ADAMTSL1: variants seen among roughly 807,000 people sequenced by gnomAD.
ADAMTSL1 encodes ADAMTS-like protein 1.
Under a neutral mutation model 201.8 loss-of-function variants are expected in ADAMTSL1, and 126 were observed. That is an observed-to-expected ratio of 0.62 (90% CI 0.54 to 0.72). The LOEUF (loss-of-function observed/expected upper bound fraction) is 0.72. ADAMTSL1 is among the 30% of genes least tolerant of loss of function. The probability of loss-of-function intolerance (pLI) is 0.00; values close to 1 mark genes in which losing one functional copy is unlikely to be tolerated. For synonymous variants in ADAMTSL1, 1,121 were observed against 903.4 expected, an observed-to-expected ratio of 1.24 and a Z score of -4.32; for missense variants, 2,679 against 2,277.8, an observed-to-expected ratio of 1.18 and a Z score of -3.59.
At chr9:18,225,062 A>G (rs1489625022) in intron 2 of ADAMTSL1, among the ~76,000 whole-genome samples, 1 of 152,160 alleles carries the variant, frequency 6.6e-6, no homozygotes, top group Non-Finnish European at 1.5e-5. Context: ...TTACTCTGGG[A>G]TAAAATAACC....
At chr9:18,605,511 G>C (rs1170293997) in intron 4 of ADAMTSL1, among the ~76,000 whole-genome samples, 1 of 152,192 alleles carries the variant, frequency 6.6e-6, no homozygotes, top group South Asian at 2.1e-4. Flanking sequence ...TAAGGCAAGA[G>C]CATGTTTGTA....
chr9:18,518,413 G>C (rs1476384810), intron 2 of ADAMTSL1, among the ~76,000 whole-genome samples: 6 of 152,062 alleles, frequency 3.9e-5, no homozygotes, highest in Non-Finnish European at 8.8e-5. Flanking sequence ...TTGATTTTCT[G>C]CTTCTGAGTT....
chr9:18,298,884 G>T (rs531725337), intron 2 of ADAMTSL1, among the ~76,000 whole-genome samples: 1 of 151,816 alleles, frequency 6.6e-6, no homozygotes, highest in Non-Finnish European at 1.5e-5. Flanking sequence ...GGTGGCGGGC[G>T]CCTGTAGTCC....
intron 2 of ADAMTSL1, among the ~76,000 whole-genome samples, chr9:18,203,007 C>G (rs1011004916): frequency 2.0e-5 from 3 of 152,108 alleles, no homozygotes; most frequent in African/African-American, 7.2e-5. Flanking sequence ...CACAAATCAT[C>G]TGAAGACTGG....
chr9:18,334,337 C>T (rs898828100), intron 2 of ADAMTSL1, among the ~76,000 whole-genome samples: 14 of 152,152 alleles, frequency 9.2e-5, no homozygotes, highest in Non-Finnish European at 1.9e-4. Context: ...TTCAAGCTGT[C>T]AGCTCCTTAG....
intron 2 of ADAMTSL1, among the ~76,000 whole-genome samples, chr9:18,422,549 G>A (rs1214230908): frequency 3.9e-5 from 6 of 152,060 alleles, no homozygotes; most frequent in African/African-American, 9.7e-5. Context: ...AACAGGCTCC[G>A]CTACTCCTGC....
At chr9:18,727,037 A>G (rs1817936473) in intron 15 of ADAMTSL1, among the ~76,000 whole-genome samples, 1 of 152,246 alleles carries the variant, frequency 6.6e-6, no homozygotes, top group Non-Finnish European at 1.5e-5. Flanking sequence ...TTCTCTTTAA[A>G]AGCATACTTC....
chr9:18,512,644 C>T (rs1404166338), intron 2 of ADAMTSL1, among the ~76,000 whole-genome samples: 1 of 152,134 alleles, frequency 6.6e-6, no homozygotes, highest in Non-Finnish European at 1.5e-5. Context: ...TGAGTTTCTA[C>T]TGATTATAGT....
chr9:18,566,231 C>T (rs779001553), intron 3 of ADAMTSL1, among the ~76,000 whole-genome samples: 23 of 152,164 alleles, frequency 1.5e-4, no homozygotes, highest in African/African-American at 4.8e-5. Flanking sequence ...GAAAGCAGCA[C>T]TGGAGTTCCC....
intron 1 of ADAMTSL1, among the ~76,000 whole-genome samples, chr9:18,073,368 C>T (rs1306258197): frequency 3.3e-5 from 5 of 152,118 alleles, no homozygotes; most frequent in Admixed American, 1.3e-4. Flanking sequence ...CGCATGGACT[C>T]CTGCAAAGAG....
chr9:18,869,790 A>ATG (rs1312230148), intron 23 of ADAMTSL1, among the ~76,000 whole-genome samples: 1 of 152,044 alleles, frequency 6.6e-6, no homozygotes, highest in East Asian at 1.9e-4. Flanking sequence ...TTTGACTATG[A>ATG]TGTGCATAGG....
intron 2 of ADAMTSL1, among the ~76,000 whole-genome samples, chr9:18,388,808 G>C (rs1027731756): frequency 6.6e-6 from 1 of 151,580 alleles, no homozygotes; most frequent in African/African-American, 2.4e-5. Context: ...CCAGGCTGGA[G>C]TGCAGTAGTG....
intron 2 of ADAMTSL1, among the ~76,000 whole-genome samples, chr9:18,401,247 C>T (rs1452567837): frequency 6.6e-6 from 1 of 152,188 alleles, no homozygotes; most frequent in African/African-American, 2.4e-5. Context: ...AGCTTTCCAC[C>T]TCTGAGTTTT....
chr9:18,540,095 T>TGAGAAA (rs1820032599), intron 3 of ADAMTSL1, among the ~76,000 whole-genome samples: 1 of 152,070 alleles, frequency 6.6e-6, no homozygotes. Flanking sequence ...CAGGCTGCAA[T>TGAGAAA]GAGAAAGAGA....
At chr9:18,709,274 T>C (rs1159451202) in intron 14 of ADAMTSL1, among the ~76,000 whole-genome samples, 1 of 152,246 alleles carries the variant, frequency 6.6e-6, no homozygotes, top group Non-Finnish European at 1.5e-5. Context: ...TATTTTCAAG[T>C]CTTTGTTCGA....
At chr9:17,927,333 T>C (rs7863111) in intron 1 of ADAMTSL1, among the ~76,000 whole-genome samples, 8 of 152,016 alleles carry the variant, frequency 5.3e-5, no homozygotes, top group Admixed American at 1.3e-4. Flanking sequence ...CACACATACA[T>C]ATACACATAT....
intron 3 of ADAMTSL1, among the ~76,000 whole-genome samples, chr9:18,553,565 T>C (rs1055813481): frequency 2.0e-5 from 3 of 151,866 alleles, no homozygotes; most frequent in African/African-American, 7.2e-5. Context: ...TTTCCTTTTA[T>C]CTGGAGTATA....
intron 19 of ADAMTSL1, among the ~76,000 whole-genome samples, chr9:18,793,579 T>A (rs937705654): frequency 2.0e-5 from 3 of 152,086 alleles, no homozygotes; most frequent in Non-Finnish European, 2.9e-5. Flanking sequence ...GCTTACCTCC[T>A]AGGGAAGGAT....
intron 1 of ADAMTSL1, among the ~76,000 whole-genome samples, chr9:17,978,665 C>T (rs142233684): frequency 1.4e-3 from 207 of 152,166 alleles, no homozygotes; most frequent in African/African-American, 4.8e-3. Flanking sequence ...ACTATAAATG[C>T]CTTTGTCTTT....
Sources: allele counts gnomAD v4.1 joint callset (sites outside exome capture counted in the v4.1 genomes callset), GRCh38; gene constraint gnomAD v4.1.1; transcripts MANE v1.5; gene names NCBI Gene and HGNC (gene_info 2026-07-23, HGNC 2026-07-21).